Variants in CCDC91 observed in about 807,000 individuals in gnomAD.
The protein encoded by CCDC91 is coiled-coil domain-containing protein 91.
Under a neutral mutation model 63.2 loss-of-function variants are expected in CCDC91, and 48 were observed. That is an observed-to-expected ratio of 0.76 (90% confidence interval 0.60 to 0.97). The LOEUF (loss-of-function observed/expected upper bound fraction) is 0.97. CCDC91 is among the 50% of genes least tolerant of loss of function. The probability of loss-of-function intolerance (pLI) is 0.00; values close to 1 mark genes in which losing one functional copy is unlikely to be tolerated. For synonymous variants in CCDC91, 167 were observed against 165.8 expected (o/e 1.01, Z -0.06); for missense variants, 500 against 494.6 (o/e 1.01, Z -0.10).
intron 6 of CCDC91, among the ~76,000 whole-genome samples, chr12:28,311,704 G>A (rs1939344627): frequency 6.6e-6 from 1 of 151,902 alleles, no homozygotes; most frequent in South Asian, 2.1e-4. Context: ...AGGGCCATGC[G>A]TGTTTTTTTT....
At chr12:28,324,074 A>G (rs1940765904) in intron 6 of CCDC91, among the ~76,000 whole-genome samples, 1 of 151,932 alleles carries the variant, frequency 6.6e-6, no homozygotes, top group Non-Finnish European at 1.5e-5. Context: ...AGACCTTTTT[A>G]GAGTCTGCTG....
chr12:28,356,512 C>A (rs1943538752), intron 6 of CCDC91, among the ~76,000 whole-genome samples: 1 of 152,132 alleles, frequency 6.6e-6, no homozygotes, highest in African/African-American at 2.4e-5. Flanking sequence ...ATCACACCAT[C>A]TTTATTTTGA....
intron 7 of CCDC91, among the ~76,000 whole-genome samples, chr12:28,366,111 T>C (rs1432979904): frequency 1.3e-5 from 2 of 152,156 alleles, no homozygotes; most frequent in Non-Finnish European, 2.9e-5. Flanking sequence ...TTCAGAAATA[T>C]GAAGACATGA....
At chr12:28,328,653 A>T (rs2137600439) in intron 6 of CCDC91, among the ~76,000 whole-genome samples, 1 of 152,312 alleles carries the variant, frequency 6.6e-6, no homozygotes, top group East Asian at 1.9e-4. Context: ...AGATGTAGTG[A>T]GAGAATATAA....
chr12:28,359,494 A>C (rs1943736182), intron 6 of CCDC91, among the ~76,000 whole-genome samples: 1 of 152,224 alleles, frequency 6.6e-6, no homozygotes, highest in Non-Finnish European at 1.5e-5. Context: ...TCAAGAAAGA[A>C]AGAAAATAAT....
At chr12:28,290,130 G>A (rs555897050) in intron 3 of CCDC91, among the ~76,000 whole-genome samples, 1 of 152,052 alleles carries the variant, frequency 6.6e-6, no homozygotes, top group Admixed American at 6.6e-5. Context: ...CACTATTACT[G>A]TGTGGGAGTC....
chr12:28,375,244 T>C (rs1200190253), intron 7 of CCDC91, among the ~76,000 whole-genome samples: 1 of 152,038 alleles, frequency 6.6e-6, no homozygotes, highest in African/African-American at 2.4e-5. Flanking sequence ...ATTGCATGGC[T>C]AATAATTAAG....
chr12:28,364,680 T>C lies in CCDC91; in HGVS notation c.654+2165T>C, dbSNP rs1374960340. On this transcript the variant is annotated intron_variant, in intron 7 of 12. Transcript: ENST00000536442. ...AAAATAACAGTACAACGGTAAAAAG[T>C]AACACAAATTACTTGCTATCTAGAA... is the stretch of plus-strand genomic sequence containing the variant. Among the ~76,000 whole-genome samples, 3 of 152,032 alleles carry C rather than the reference T, an allele frequency of 2.0e-5. No homozygotes were observed. The East Asian group carries it at 5.8e-4, about 29-fold the overall frequency.
chr12:28,464,809 A>G (rs1404256358), intron 11 of CCDC91, among the ~76,000 whole-genome samples: 1 of 152,116 alleles, frequency 6.6e-6, no homozygotes, highest in African/African-American at 2.4e-5. Flanking sequence ...AGAGAACGGT[A>G]GAGGGAAAAG....
chr12:28,505,537 C>T (rs1360874705), intron 12 of CCDC91: 5 of 151,874 alleles, frequency 3.3e-5, no homozygotes, highest in Non-Finnish European at 5.9e-5. Context: ...ATCTGTAAAG[C>T]AAAACCCAAA....
intron 12 of CCDC91, among the ~76,000 whole-genome samples, chr12:28,495,352 T>G (rs1369333638): frequency 1.3e-5 from 2 of 151,716 alleles, no homozygotes; most frequent in Non-Finnish European, 2.9e-5. Flanking sequence ...TAATTTTAAG[T>G]TGGACTTTTT....
intron 12 of CCDC91, among the ~76,000 whole-genome samples, chr12:28,513,941 A>G (rs1436417654): frequency 6.6e-6 from 1 of 151,828 alleles, no homozygotes; most frequent in Non-Finnish European, 1.5e-5. Context: ...ATGTGTCTTT[A>G]TGATAGAATG....
intron 11 of CCDC91, among the ~76,000 whole-genome samples, chr12:28,479,809 G>GT (rs1360711261): frequency 1.7e-4 from 26 of 149,474 alleles, no homozygotes; most frequent in Admixed American, 2.6e-4. Flanking sequence ...TTAGACCAAT[G>GT]TTTAAGAGTT....
chr12:28,402,520 A>ATTTT (rs57398967), intron 8 of CCDC91, among the ~76,000 whole-genome samples: 9 of 51,924 alleles, frequency 1.7e-4, no homozygotes, highest in East Asian at 6.9e-4. Context: ...AGTTCCAGGA[A>ATTTT]TTTTTTTTTT....
intron 3 of CCDC91, among the ~76,000 whole-genome samples, chr12:28,303,171 A>C (rs1162596060): frequency 6.6e-6 from 1 of 152,146 alleles, no homozygotes; most frequent in Admixed American, 6.6e-5. Context: ...CTGATACAAC[A>C]AGTAGTATCT....
Position 28,223,098 on chromosome 12 carries a change from GA to G in CCDC91, c.-15+32463del, listed in dbSNP as rs35381717. On this transcript the variant is annotated intron_variant, in intron 1 of 12. Coordinates refer to ENST00000536442, the MANE Select transcript of CCDC91 (RefSeq NM_018318.5). ...CTTACATAAAACCAAAGTAGAGGGG[GA>G]AAAAACCTAGTCAATTTTAGTGGCA... 1.7e-3 allele frequency among the ~76,000 whole-genome samples: 256 copies of G among 152,236 alleles called. 1 individual carries two copies. The highest frequency in any genetic ancestry group is 5.9e-3 in the African/African-American group (246 of 41,532).
intron 1 of CCDC91, among the ~76,000 whole-genome samples, chr12:28,229,838 A>G (rs1192167002): frequency 6.6e-6 from 1 of 152,068 alleles, no homozygotes; most frequent in African/African-American, 2.4e-5. Context: ...TGGCTAGAAG[A>G]AGGTTTGGAG....
chr12:28,494,931 C>A (rs186846889), intron 12 of CCDC91, among the ~76,000 whole-genome samples: 1 of 151,686 alleles, frequency 6.6e-6, no homozygotes, highest in Non-Finnish European at 1.5e-5. Flanking sequence ...CTGGAGATAA[C>A]TATATTATGT....
intron 1 of CCDC91, among the ~76,000 whole-genome samples, chr12:28,244,754 A>G (rs1346895539): frequency 6.6e-6 from 1 of 151,760 alleles, no homozygotes; most frequent in East Asian, 1.9e-4. Flanking sequence ...GTCTCACATA[A>G]TGGCATCTAG....
Sources: allele counts gnomAD v4.1 joint callset (sites outside exome capture counted in the v4.1 genomes callset), GRCh38; gene constraint gnomAD v4.1.1; transcripts MANE v1.5; gene names NCBI Gene and HGNC (gene_info 2026-07-23, HGNC 2026-07-21).